CFAP298: variants seen among roughly 807,000 people sequenced by gnomAD.
CFAP298 encodes cilia and flagella associated protein 298.
CFAP298 carries 38 observed loss-of-function variants against 41.0 expected under a neutral mutation model. That is an observed-to-expected ratio of 0.93 (90% CI 0.72 to 1.22). The LOEUF (loss-of-function observed/expected upper bound fraction) is 1.22. Among genes scored for constraint, CFAP298 ranks in the 50% most tolerant of loss-of-function variants. The pLI is 0.00. For synonymous variants in CFAP298, 137 were observed against 135.3 expected (o/e 1.01, Z -0.09); for missense variants, 348 against 360.3 (o/e 0.97, Z 0.28).
In CFAP298 at chr21:32,603,386, T is replaced by G. The variant is rs844995; in HGVS notation, c.535-94A>C. 57,181 of 1,388,324 alleles carry G rather than the reference T, an allele frequency of 0.041. 1,417 individuals are homozygous for G. The highest frequency in any genetic ancestry group is 0.067 in the South Asian group (5,359 of 80,460). The allele number at this position is 1,388,324 out of a possible 1,614,324, so 86.0% of individuals were successfully genotyped here. ...TCCCAGCAGGGGGCAGGGGACAGAT[T>G]TCTCCCCGTGCTCACCATGGGAGGC... On this transcript the variant is annotated intron_variant, in intron 4 of 6. Transcript: ENST00000290155.
chr21:32,602,795 T>C lies in CFAP298; in HGVS notation c.666+366A>G. 3.7e-6 allele frequency: 5 copies of C among 1,355,704 alleles called. No individual in the cohort carries two copies. The South Asian group carries it at 6.7e-5, about 18-fold the overall frequency. The allele number at this position is 1,355,704 out of a possible 1,614,324, so 84.0% of individuals were successfully genotyped here. A position where few individuals can be genotyped will look rare whatever the true frequency, so the allele number is the denominator to read the frequency against. On this transcript the variant is annotated intron_variant, in intron 5 of 6. Transcript: ENST00000290155. ...CGATGTCCTTCAAAGGTCTCGAACC[T>C]TTCCTCCTCCCCCTCCTGTACACAG...
In CFAP298 at chr21:32,611,338, T is replaced by TATATATATATATAAAA. The variant is rs954890218; in HGVS notation, c.139+766_139+767insTTTTATATATATATAT. On this transcript the variant is annotated intron_variant, in intron 1 of 6. Transcript: ENST00000290155. ...CATACCATATATATATATATATATA[T>TATATATATATATAAAA]AATTTATTTATATTTATATATACAT... Among the ~76,000 whole-genome samples the TATATATATATATAAAA allele has an allele frequency of 1.1e-4, 15 of 132,352 alleles. No homozygotes were observed. The South Asian group carries it at 3.2e-3, about 28-fold the overall frequency. The allele number at this position is 132,352 out of a possible 152,430, so 86.8% of individuals were successfully genotyped here.
In CFAP298 at chr21:32,607,732, G is replaced by C. The variant is rs140374402; in HGVS notation, c.308-16C>G. 15,371 of 1,496,864 alleles carry C rather than the reference G, an allele frequency of 0.01. 105 individuals are homozygous for C. The highest frequency in any genetic ancestry group is 0.028 in the Middle Eastern group (161 of 5,764). 92.7% of individuals were successfully genotyped at this position (1,496,864 alleles called of 1,614,324 possible). On this transcript the variant is annotated splice_polypyrimidine_tract_variant and intron_variant, in intron 2 of 6. Coordinates refer to ENST00000290155, the MANE Select transcript of CFAP298 (RefSeq NM_021254.4). ...TCATTTGGAGCTATAAAAATAAAAA[G>C]GAGAGAGGGAGAAAGAGCTGTCAAA...
chr21:32,605,954 G>A (rs1440794618), intron 3 of CFAP298, among the ~76,000 whole-genome samples: 1 of 152,240 alleles, frequency 6.6e-6, no homozygotes, highest in Non-Finnish European at 1.5e-5. Context: ...AGCCACAGCT[G>A]TGGAAGTGAA....
chr21:32,600,360 C>A lies in CFAP298; in HGVS notation c.*1503G>T, dbSNP rs2038715091. The stretch of plus-strand genomic sequence containing the variant: ...TCAGGTCTGGGACCCACCCCCTGGG[C>A]AAGGCCGCCTGGCAGCAGGCAGGAA... On this transcript the variant is annotated 3_prime_UTR_variant, in exon 7 of 7. Transcript: ENST00000290155. Among the ~76,000 whole-genome samples the A allele has an allele frequency of 6.6e-6, 1 of 152,258 alleles. No individual in the cohort carries two copies. The highest frequency in any genetic ancestry group is 2.4e-5 in the African/African-American group (1 of 41,470).
Position 32,600,223 on chromosome 21 carries a change from TAA to T in CFAP298, c.*1638_*1639del, listed in dbSNP as rs2038713171. Among the ~76,000 whole-genome samples, 1 of 152,014 alleles carries T rather than the reference TAA, an allele frequency of 6.6e-6. No individual in the cohort carries two copies. The highest frequency in any genetic ancestry group is 6.6e-5 in the Admixed American group (1 of 15,264). On this transcript the variant is annotated 3_prime_UTR_variant, in exon 7 of 7. Transcript: ENST00000290155. ...AGAGACATTTAAAACTATAACCAAG[TAA>T]AAGAGAAAATAGATGCAAATTTGCT...
chr21:32,612,333 AG>A lies in CFAP298; in HGVS notation c.-91del. The A allele has an allele frequency of 1.4e-6, 2 of 1,456,236 alleles. No individual in the cohort carries two copies. Among genetic ancestry groups the A allele is most frequent in the Non-Finnish European group, 1.8e-6 (2 of 1,103,884 alleles). The allele number at this position is 1,456,236 out of a possible 1,614,324, so 90.2% of individuals were successfully genotyped here. A position where few individuals can be genotyped will look rare whatever the true frequency, so the allele number is the denominator to read the frequency against. The stretch of plus-strand genomic sequence containing the variant: ...GGCCGAGGGTCGCCGGATCGCCAGC[AG>A]CTGCGACGCACTAACAGCCGCTCAC... On this transcript the variant is annotated 5_prime_UTR_variant, in exon 1 of 7. Transcript: ENST00000290155.
Position 32,604,234 on chromosome 21 carries a change from G to C in CFAP298, c.425C>G (p.Ala142Gly). The C allele has an allele frequency of 6.2e-7, 1 of 1,613,996 alleles. No homozygotes were observed. Among genetic ancestry groups the C allele is most frequent in the Non-Finnish European group, 8.5e-7 (1 of 1,179,994 alleles). Reference sequence around the variant, plus strand: ...CACCGCGCCTCGAAGCTGGTCCAAGGCATCTTTCACCATCTCCATGGTAAC... The same window carrying C: ...CACCGCGCCTCGAAGCTGGTCCAAGCCATCTTTCACCATCTCCATGGTAAC... ...VCVTMEMVKDALDQLRGAVMI... is the reference protein window; with the variant it reads ...VCVTMEMVKDGLDQLRGAVMI... Residue 142 changes from alanine to glycine, a missense_variant, in exon 4 of 7, where the codon GCC (alanine) becomes GGC (glycine). By Grantham distance (60) the Ala-to-Gly change is moderately conservative (BLOSUM62 0). Coordinates refer to ENST00000290155, the MANE Select transcript of CFAP298 (RefSeq NM_021254.4).
In CFAP298 at chr21:32,612,326, C is replaced by A; in HGVS notation, c.-83G>T. The A allele has an allele frequency of 6.8e-7, 1 of 1,461,842 alleles. No homozygotes were observed. The highest frequency in any genetic ancestry group is 9.0e-7 in the Non-Finnish European group (1 of 1,106,260). The allele number at this position is 1,461,842 out of a possible 1,614,324, so 90.6% of individuals were successfully genotyped here. ...TCCTGCCGGCCGAGGGTCGCCGGAT[C>A]GCCAGCAGCTGCGACGCACTAACAG... On this transcript the variant is annotated 5_prime_UTR_variant, in exon 1 of 7. Coordinates refer to ENST00000290155, the MANE Select transcript of CFAP298 (RefSeq NM_021254.4).
intron 6 of CFAP298, 28 bp downstream of exon 6, chr21:32,602,244 T>A: frequency 6.2e-7 from 1 of 1,606,502 alleles, no homozygotes; most frequent in African/African-American, 1.3e-5. Flanking sequence ...GCGCCAGCAC[T>A]GCAGAAAGCC....
Position 32,601,880 on chromosome 21 carries a change from T to G in CFAP298, c.856A>C (p.Lys286Gln). 1 of 1,607,712 alleles carries G rather than the reference T, an allele frequency of 6.2e-7. No individual in the cohort carries two copies. Among genetic ancestry groups the G allele is most frequent in the Non-Finnish European group, 8.5e-7 (1 of 1,174,332 alleles). ...KRHFHGVKDI[K>Q]WRPR ...GGTGAACTTCATCTTGGTCTCCACT[T>G]TATGTCTTTCACTCCATGAAAATGT... Residue 286 changes from lysine to glutamine, a missense_variant, in exon 7 of 7, where the codon AAG becomes CAG. Coordinates refer to ENST00000290155, the MANE Select transcript of CFAP298 (RefSeq NM_021254.4).
chr21:32,604,292 A>G lies in CFAP298; in HGVS notation c.376-9T>C, dbSNP rs780399167. ...CCGGCTTCCACTTGTTTCTGCAAGCAGAAAGCCATCGTTATCTACAGTGTG... is the reference window on the plus strand; with the variant it reads ...CCGGCTTCCACTTGTTTCTGCAAGCGGAAAGCCATCGTTATCTACAGTGTG... On this transcript the variant is annotated splice_polypyrimidine_tract_variant and intron_variant, in intron 3 of 6. Coordinates refer to ENST00000290155, the MANE Select transcript of CFAP298 (RefSeq NM_021254.4). 9 of 1,614,084 alleles carry G rather than the reference A, an allele frequency of 5.6e-6. No homozygotes were observed. Among genetic ancestry groups the G allele is most frequent in the Non-Finnish European group, 7.6e-6 (9 of 1,180,002 alleles).
At position 32,609,772 on chromosome 21, in the gene CFAP298, A is replaced by G. The variant is rs1346014970; in HGVS notation, c.307+66T>C. ...AGCAAGAATCCGTCTCAAAAAAAAA[A>G]AAAGGAACTGTTTTCATACTTATGC... is the stretch of plus-strand genomic sequence containing the variant. On this transcript the variant is annotated intron_variant, in intron 2 of 6. Coordinates refer to ENST00000290155, the MANE Select transcript of CFAP298 (RefSeq NM_021254.4). 2.7e-6 allele frequency: 4 copies of G among 1,461,478 alleles called. No individual in the cohort carries two copies. The Admixed American group carries it at 6.5e-5, about 24-fold the overall frequency. 90.5% of individuals were successfully genotyped at this position (1,461,478 alleles called of 1,614,324 possible).
At chr21:32,606,171 G>A (rs1409274240) in intron 3 of CFAP298, among the ~76,000 whole-genome samples, 1 of 152,168 alleles carries the variant, frequency 6.6e-6, no homozygotes, top group Admixed American at 6.5e-5. Context: ...AGAGGAGTGA[G>A]GAAGCAAAGA....
intron 3 of CFAP298, among the ~76,000 whole-genome samples, chr21:32,605,052 G>A (rs905905845): frequency 2.6e-5 from 4 of 152,236 alleles, no homozygotes; most frequent in Non-Finnish European, 5.9e-5. Context: ...GGTGGCAGGT[G>A]CCTGTAGTCC....
intron 1 of CFAP298, among the ~76,000 whole-genome samples, chr21:32,610,357 G>C (rs2038963537): frequency 6.6e-6 from 1 of 152,100 alleles, no homozygotes; most frequent in Non-Finnish European, 1.5e-5. Context: ...TGGGACAACA[G>C]GCATGTGTCA....
At chr21:32,602,419 C>A (rs1360367378) in intron 5 of CFAP298, 52 bp from the exon 6 acceptor site, 1 of 1,581,076 alleles carries the variant, frequency 6.3e-7, no homozygotes, top group Admixed American at 1.8e-5. Flanking sequence ...CTTAGAGTGA[C>A]AATCCTGAAG....
chr21:32,611,896 A>C (rs990790455), intron 1 of CFAP298, among the ~76,000 whole-genome samples: 1 of 151,322 alleles, frequency 6.6e-6, no homozygotes, highest in Non-Finnish European at 1.5e-5. Context: ...ACCTGGGCCC[A>C]CCTCCCAGCC....
chr21:32,603,230 TCTC>T lies in CFAP298; in HGVS notation c.594_596del (p.Arg200del). ...CGTAGTCTGAAAGCTTCTTCGTTCT[TCTC>T]AGCTCCTTGGCTGCCCACCACAGCT... On this transcript the variant is annotated inframe_deletion, in exon 5 of 7. Transcript: ENST00000290155. 3 of 1,614,214 alleles carry T rather than the reference TCTC, an allele frequency of 1.9e-6. No individual in the cohort carries two copies. Among genetic ancestry groups the T allele is most frequent in the Non-Finnish European group, 2.5e-6 (3 of 1,180,018 alleles).
Sources: allele counts gnomAD v4.1 joint callset (sites outside exome capture counted in the v4.1 genomes callset), GRCh38; gene constraint gnomAD v4.1.1; transcripts MANE v1.5; gene names NCBI Gene and HGNC (gene_info 2026-07-23, HGNC 2026-07-21).